SLC25A26: variants seen among roughly 807,000 people sequenced by gnomAD.
SLC25A26 encodes solute carrier family 25 member 26.
Under a neutral mutation model 37.8 loss-of-function variants are expected in SLC25A26, and 36 were observed. The ratio of observed to expected loss-of-function variants is 0.95; its 90% CI spans 0.73 to 1.26. The LOEUF (loss-of-function observed/expected upper bound fraction) is 1.26. Among genes scored for constraint, SLC25A26 ranks in the 50% most tolerant of loss-of-function variants. The pLI is 0.00. For missense variants in SLC25A26, 390 were observed against 331.1 expected (o/e 1.18, Z -1.38); for synonymous variants, 129 against 122.5 (o/e 1.05, Z -0.35).
chr3:66,275,616 C>A (rs1384637535), intron 5 of SLC25A26, among the ~76,000 whole-genome samples: 3 of 152,008 alleles, frequency 2.0e-5, no homozygotes, highest in African/African-American at 7.2e-5. Context: ...ATTAAGATCT[C>A]CAGATACATT....
chr3:66,285,484 A>T (rs989586033), intron 5 of SLC25A26, among the ~76,000 whole-genome samples: 2 of 59,494 alleles, frequency 3.4e-5, no homozygotes, highest in Non-Finnish European at 6.2e-5. Context: ...CTAGGTAATA[A>T]ATTCTTTTAA....
chr3:66,158,046 G>C (rs982593110), intron 1 of SLC25A26, among the ~76,000 whole-genome samples: 4 of 152,208 alleles, frequency 2.6e-5, no homozygotes, highest in African/African-American at 7.2e-5. Flanking sequence ...TTAGAGACAA[G>C]ATTGGTTGCA....
intron 5 of SLC25A26, among the ~76,000 whole-genome samples, chr3:66,282,014 T>TTC (rs2107453044): frequency 7.7e-6 from 1 of 129,860 alleles, no homozygotes; most frequent in Non-Finnish European, 1.7e-5. Context: ...TTTTTTTTTT[T>TTC]TTTTTTTTGA....
intron 5 of SLC25A26, among the ~76,000 whole-genome samples, chr3:66,313,613 T>A (rs951546608): frequency 6.6e-6 from 1 of 152,164 alleles, no homozygotes; most frequent in Admixed American, 6.5e-5. Context: ...GCTCTTTTTT[T>A]ATTCCATATG....
In SLC25A26 at chr3:66,372,567, AT is replaced by A. The variant is rs374691661; in HGVS notation, c.707+1973del. 2.2e-4 allele frequency among the ~76,000 whole-genome samples: 34 copies of A among 152,018 alleles called. No individual in the cohort carries two copies. In the East Asian group the frequency reaches 5.0e-3, roughly 23 times the overall value. On this transcript the variant is annotated intron_variant, in intron 9 of 9. Transcript: ENST00000354883. ...GTCAGCTCTGTAAAGGTCATGTGGA[AT>A]TTTTTTTGCTTATCTATCTTCGGAA...
rs559588185 is a variant in SLC25A26 at position 66,378,476 on chromosome 3, C to A, written c.*669C>A. ...CTGCAACTCAAGTGACTAGGTGGGC[C>A]CAGCTGGCTTCGTGCAGGAGGGCAC... On this transcript the variant is annotated 3_prime_UTR_variant, in exon 10 of 10. Transcript: ENST00000354883. 26 of 152,742 alleles carry A rather than the reference C, an allele frequency of 1.7e-4. No homozygotes were observed. Among genetic ancestry groups the A allele is most frequent in the African/African-American group, 6.3e-4 (26 of 41,562 alleles). The allele number at this position is 152,742 out of a possible 1,614,324, so 9.5% of individuals were successfully genotyped here.
At chr3:66,323,214 G>C (rs1351018508) in intron 5 of SLC25A26, among the ~76,000 whole-genome samples, 1 of 152,166 alleles carries the variant, frequency 6.6e-6, no homozygotes, top group African/African-American at 2.4e-5. Flanking sequence ...GAAGAGAGAG[G>C]GTTAGTAGAT....
At chr3:66,273,428 T>C (rs954631325) in intron 5 of SLC25A26, among the ~76,000 whole-genome samples, 17 of 152,080 alleles carry the variant, frequency 1.1e-4, no homozygotes, top group East Asian at 1.9e-4. Flanking sequence ...TCCTGGACTC[T>C]TTTTGGTTGG....
At chr3:66,253,195 C>G (rs1216085228) in intron 3 of SLC25A26, among the ~76,000 whole-genome samples, 2 of 151,408 alleles carry the variant, frequency 1.3e-5, no homozygotes, top group Non-Finnish European at 2.9e-5. Flanking sequence ...ATCGTGAGGT[C>G]AGGAGATCAA....
rs149231160 is a variant in SLC25A26, at chr3:66,231,673, G to A, written c.34-4871G>A. Among the ~76,000 whole-genome samples, 1,330 of 151,924 alleles carry A rather than the reference G, an allele frequency of 8.8e-3. 24 individuals carry two copies. Among genetic ancestry groups the A allele is most frequent in the African/African-American group, 0.03 (1,263 of 41,438 alleles). On this transcript the variant is annotated intron_variant, in intron 1 of 9. Coordinates refer to ENST00000354883, the MANE Select transcript of SLC25A26 (RefSeq NM_001379210.1). The stretch of plus-strand genomic sequence containing the variant: ...AAATAGTTACACATTTTAAAAGATG[G>A]GATTATATAGCATATATTGTTTTAT...
chr3:66,203,239 G>A (rs1417895143), intron 1 of SLC25A26, among the ~76,000 whole-genome samples: 1 of 152,030 alleles, frequency 6.6e-6, no homozygotes, highest in African/African-American at 2.4e-5. Flanking sequence ...AAATTAGCCA[G>A]GCATGGTGCC....
chr3:66,294,532 G>A (rs888889020), intron 5 of SLC25A26, among the ~76,000 whole-genome samples: 8 of 152,142 alleles, frequency 5.3e-5, no homozygotes, highest in African/African-American at 1.7e-4. Context: ...TAATCATGTA[G>A]TATTTGTTTA....
chr3:66,328,926 T>G (rs769876981), intron 5 of SLC25A26, among the ~76,000 whole-genome samples: 1 of 152,176 alleles, frequency 6.6e-6, no homozygotes, highest in African/African-American at 2.4e-5. Flanking sequence ...TATTTTCTCC[T>G]GGCCAACCTT....
chr3:66,281,582 C>T (rs1054945094), intron 5 of SLC25A26, among the ~76,000 whole-genome samples: 1 of 152,068 alleles, frequency 6.6e-6, no homozygotes, highest in Non-Finnish European at 1.5e-5. Flanking sequence ...AAAAAATAGC[C>T]TAATTGAGTT....
Position 66,295,212 on chromosome 3 carries a change from T to C in SLC25A26, c.453+31833T>C, listed in dbSNP as rs180838279. On this transcript the variant is annotated intron_variant, in intron 5 of 9. Transcript: ENST00000354883. ...TTTGCCAACTTGGATGGCCTTTGCA[T>C]TTTCTCAAATTTGCTTGTGTGTTTT... Among the ~76,000 whole-genome samples the C allele has an allele frequency of 1.8e-4, 28 of 151,426 alleles. No individual in the cohort carries two copies. The East Asian group carries it at 5.3e-3, about 28-fold the overall frequency.
At chr3:66,211,887 A>G (rs1356230747) in intron 1 of SLC25A26, among the ~76,000 whole-genome samples, 1 of 152,212 alleles carries the variant, frequency 6.6e-6, no homozygotes, top group Non-Finnish European at 1.5e-5. Flanking sequence ...TTGCTGCTCA[A>G]TGTACATGAG....
chr3:66,327,177 A>AC (rs2075859533), intron 5 of SLC25A26, among the ~76,000 whole-genome samples: 1 of 152,198 alleles, frequency 6.6e-6, no homozygotes, highest in South Asian at 2.1e-4. Flanking sequence ...TTCCCTCCTC[A>AC]CAATACTGGT....
At chr3:66,162,242 A>G (rs1012843385) in intron 1 of SLC25A26, among the ~76,000 whole-genome samples, 4 of 151,700 alleles carry the variant, frequency 2.6e-5, no homozygotes, top group African/African-American at 7.3e-5. Context: ...GACCACACAT[A>G]TGACCTCATT....
Position 66,182,739 on chromosome 3 carries a change from G to A in SLC25A26, c.-353-38003G>A, listed in dbSNP as rs183665146. Among the ~76,000 whole-genome samples, 651 of 148,712 alleles carry A rather than the reference G, an allele frequency of 4.4e-3. 7 individuals carry two copies. Among genetic ancestry groups the A allele is most frequent in the African/African-American group, 0.015 (612 of 39,972 alleles). ...GGCGGGGGGGGGGGGTGGGGTATCA[G>A]TAGAAAAGACCAGGGAATCTCTGAC... On this transcript the variant is annotated intron_variant, in intron 1 of 10. Coordinates refer to the SLC25A26 transcript ENST00000676754.
Sources: allele counts gnomAD v4.1 joint callset (sites outside exome capture counted in the v4.1 genomes callset), GRCh38; gene constraint gnomAD v4.1.1; transcripts MANE v1.5; gene names NCBI Gene and HGNC (gene_info 2026-07-23, HGNC 2026-07-21).